The following DOCK7 variants were observed in gnomAD, a reference collection of about 807,000 sequenced individuals.
DOCK7 encodes the protein dedicator of cytokinesis 7.
DOCK7 carries 138 observed loss-of-function variants against 271.0 expected under a neutral mutation model. The ratio of observed to expected loss-of-function variants is 0.51; its 90% CI spans 0.44 to 0.59. The LOEUF is 0.59. DOCK7 is among the 20% of genes least tolerant of loss of function. The probability of loss-of-function intolerance (pLI) is 0.00; values close to 1 mark genes in which losing one functional copy is unlikely to be tolerated. For synonymous variants in DOCK7, 823 were observed against 876.1 expected, an observed-to-expected ratio of 0.94 and a Z score of 1.07; for missense variants, 2,066 against 2,592.4, an observed-to-expected ratio of 0.80 and a Z score of 4.41.
At chr1:62,673,429 G>C (rs923883305) in intron 1 of DOCK7, among the ~76,000 whole-genome samples, 13 of 151,976 alleles carry the variant, frequency 8.6e-5, no homozygotes, top group African/African-American at 3.1e-4. Context: ...ACTAAAAGCT[G>C]GTGATAATAC....
In DOCK7 at chr1:62,579,602, C is replaced by T. The variant is rs538666190; in HGVS notation, c.1872-636G>A. ...AAAAAGTCCTAGCTACTTGGGAGGC[C>T]GAGATGAGAGGATCACTTGAGTCCA... On this transcript the variant is annotated intron_variant, in intron 16 of 49. Transcript: ENST00000635253. 8.1e-5 allele frequency among the ~76,000 whole-genome samples: 12 copies of T among 147,728 alleles called. No homozygotes were observed. The South Asian group carries it at 1.9e-3, about 24-fold the overall frequency.
chr1:62,540,991 A>T (rs1159177213), intron 25 of DOCK7, among the ~76,000 whole-genome samples: 1 of 152,196 alleles, frequency 6.6e-6, no homozygotes, highest in East Asian at 1.9e-4. Context: ...TCTCTAGAAG[A>T]AATGTTTTCT....
At chr1:62,680,762 CAGCCAAAAG>C (rs1246123723) in intron 1 of DOCK7, among the ~76,000 whole-genome samples, 2 of 151,548 alleles carry the variant, frequency 1.3e-5, no homozygotes, top group Middle Eastern at 3.2e-3. Flanking sequence ...GACATTTATG[CAGCCAAAAG>C]ACACATGAAA....
chr1:62,533,561 A>C (rs1463333287), intron 29 of DOCK7, among the ~76,000 whole-genome samples: 1 of 138,276 alleles, frequency 7.2e-6, no homozygotes, highest in African/African-American at 2.7e-5. Context: ...CAAAGTCTGC[A>C]CACACACTGC....
intron 48 of DOCK7, among the ~76,000 whole-genome samples, chr1:62,468,360 C>CAAAAAAAAAA (rs201784083): frequency 1.1e-5 from 1 of 93,052 alleles, no homozygotes; most frequent in Non-Finnish European, 2.3e-5. Context: ...GACTCTGTCT[C>CAAAAAAAAAA]AAAAAAAAAA....
chr1:62,578,948 T>A lies in DOCK7; in HGVS notation c.1890A>T (p.Glu630Asp). 6.3e-7 allele frequency: 1 copy of A among 1,580,942 alleles called. No homozygotes were observed. The highest frequency in any genetic ancestry group is 8.6e-7 in the Non-Finnish European group (1 of 1,168,744). The change falls in exon 17 of 50, where the codon GAA becomes GAT. Residue 630 changes from glutamate to aspartate, a missense_variant. Physicochemically the swap from Glu to Asp is conservative, Grantham distance 45 (BLOSUM62 2). Around this residue, in one of 2 missense-constraint regions of DOCK7, gnomAD observed 1,414 missense variants for 1,670.4 expected, o/e 0.85. Coordinates refer to ENST00000635253, the MANE Select transcript of DOCK7 (RefSeq NM_001367561.1). ...TAGCAGGAAGCTTAACCTTGATTTC[T>A]TCATGAAAATCAGGAGACCTTCATA... is the stretch of plus-strand genomic sequence containing the variant. The part of the protein sequence containing the change: ...VYHNRSPDFH[E>D]EIKVKLPATL...
chr1:62,470,959 T>G (rs1645814340), intron 48 of DOCK7, among the ~76,000 whole-genome samples: 2 of 152,112 alleles, frequency 1.3e-5, no homozygotes, highest in Non-Finnish European at 2.9e-5. Flanking sequence ...CTGCCACTCT[T>G]TAGACAGCAA....
intron 14 of DOCK7, among the ~76,000 whole-genome samples, chr1:62,594,840 T>G (rs1648988768): frequency 6.6e-6 from 1 of 152,164 alleles, no homozygotes; most frequent in Admixed American, 6.5e-5. Flanking sequence ...CCCATCTATA[T>G]TCTCCCTCAA....
At chr1:62,529,482 G>C (rs1645111365) in intron 29 of DOCK7, 36 bp from the exon 30 acceptor site, 1 of 1,537,998 alleles carries the variant, frequency 6.5e-7, no homozygotes, top group Non-Finnish European at 8.8e-7. Flanking sequence ...AGAAAAAGCA[G>C]TAAGGCCACA....
At chr1:62,663,547 T>C (rs912973983) in intron 1 of DOCK7, among the ~76,000 whole-genome samples, 7 of 152,130 alleles carry the variant, frequency 4.6e-5, no homozygotes, top group Non-Finnish European at 7.4e-5. Context: ...GTATAAGAAT[T>C]AGGAATAAAA....
rs1372688441 is a variant in DOCK7 at position 62,552,892 on chromosome 1, C to G, written c.2606G>C (p.Gly869Ala). The G allele has an allele frequency of 2.5e-6, 4 of 1,603,950 alleles. No individual in the cohort carries two copies. The Admixed American group carries it at 6.7e-5, about 27-fold the overall frequency. Residue 869 changes from glycine to alanine, a missense_variant, in exon 22 of 50, where the codon GGT becomes GCT. Physicochemically the swap from Gly to Ala is moderately conservative, Grantham distance 60. Coordinates refer to ENST00000635253, the MANE Select transcript of DOCK7 (RefSeq NM_001367561.1). ...YPNSSSPGPG[G>A]LGGSVHYATM... is the part of the protein sequence containing the mutation. ...GGCATAATGCACTGATCCTCCCAAACCCCCAGGACCTAGAGTTGTATATGA... is the reference window on the plus strand; with the variant it reads ...GGCATAATGCACTGATCCTCCCAAAGCCCCAGGACCTAGAGTTGTATATGA...
intron 16 of DOCK7, among the ~76,000 whole-genome samples, chr1:62,582,071 A>G (rs1286456857): frequency 6.6e-6 from 1 of 152,170 alleles, no homozygotes; most frequent in Non-Finnish European, 1.5e-5. Context: ...ACTCCCCTTG[A>G]AACAGAAGGA....
At chr1:62,681,978 G>C (rs1358362608) in intron 1 of DOCK7, among the ~76,000 whole-genome samples, 2 of 151,756 alleles carry the variant, frequency 1.3e-5, no homozygotes, top group Non-Finnish European at 2.9e-5. Context: ...CCAAAAGTCA[G>C]AATGGTGGAC....
Position 62,477,803 on chromosome 1 carries a change from C to T in DOCK7, c.5531G>A (p.Arg1844His). 2.5e-6 allele frequency: 4 copies of T among 1,608,638 alleles called. No homozygotes were observed. Among genetic ancestry groups the T allele is most frequent in the African/African-American group, 1.3e-5 (1 of 74,914 alleles). The change falls in exon 44 of 50, where the codon CGT becomes CAT. Residue 1844 changes from arginine (R) to histidine (H), a missense_variant. By Grantham distance (29) the Arg-to-His change is conservative. This residue lies in a region of DOCK7 where 652 missense variants were observed against 922.1 expected (regional missense o/e 0.71). Transcript: ENST00000635253. The stretch of plus-strand genomic sequence containing the variant: ...GAACTTGGTTCCATAAAAACCAACA[C>T]GAAAATAGGTGCCAAACATCCGCTT... ...GWERMFGTYF[R>H]VGFYGTKFGD...
chr1:62,592,140 C>A (rs890364465), intron 14 of DOCK7, among the ~76,000 whole-genome samples: 2 of 152,118 alleles, frequency 1.3e-5, no homozygotes, highest in Non-Finnish European at 2.9e-5. Flanking sequence ...AGTTCCGAAT[C>A]CAAATTCTTT....
At chr1:62,601,112 G>C (rs1650052374) in intron 14 of DOCK7, 2 of 1,608,944 alleles carry the variant, frequency 1.2e-6, no homozygotes, top group Admixed American at 1.7e-5. Flanking sequence ...AGAACCCACA[G>C]AAATTTCTCT....
At position 62,597,492 on chromosome 1, in the gene DOCK7, T is replaced by C. The variant is rs568241193; in HGVS notation, c.1683-10868A>G. The C allele has an allele frequency of 8.1e-5, 123 of 1,520,960 alleles. No individual in the cohort carries two copies. In the African/African-American group the frequency reaches 1.3e-3, roughly 16 times the overall value. The allele number at this position is 1,520,960 out of a possible 1,614,324, so 94.2% of individuals were successfully genotyped here. On this transcript the variant is annotated intron_variant, in intron 14 of 49. Coordinates refer to ENST00000635253, the MANE Select transcript of DOCK7 (RefSeq NM_001367561.1). The stretch of plus-strand genomic sequence containing the variant: ...TTTTCTGGGCAAATATTGGTATATA[T>C]AGAGTTAAGAAGTCTAGGTCTGCTT...
At chr1:62,600,101 ATGT>A (rs1162459246) in intron 14 of DOCK7, among the ~76,000 whole-genome samples, 1 of 151,856 alleles carries the variant, frequency 6.6e-6, no homozygotes, top group Non-Finnish European at 1.5e-5. Context: ...CCTTCTTATG[ATGT>A]TATTATTCTA....
chr1:62,513,256 G>GGGGA lies in DOCK7; in HGVS notation c.4282+187_4282+188insTCCC, dbSNP rs1553159988. Among the ~76,000 whole-genome samples the GGGGA allele has an allele frequency of 1.2e-4, 4 of 33,340 alleles. 1 individual carries two copies. The highest frequency in any genetic ancestry group is 1.9e-4 in the African/African-American group (2 of 10,510). The allele number at this position is 33,340 out of a possible 152,430, so 21.9% of individuals were successfully genotyped here. Reference sequence around the variant, plus strand: ...AGAGAAGACTTTCTAGAGAAAACGGGGGGGGGGGGGCGGTATGCTGACTCA... The same window carrying GGGGA: ...AGAGAAGACTTTCTAGAGAAAACGGGGGGAGGGGGGGGGGCGGTATGCTGACTCA... On this transcript the variant is annotated intron_variant, in intron 33 of 49. Transcript: ENST00000635253.
Sources: allele counts gnomAD v4.1 joint callset (sites outside exome capture counted in the v4.1 genomes callset), GRCh38; gene constraint gnomAD v4.1.1; regional missense constraint gnomAD v4.1.1; transcripts MANE v1.5; gene names NCBI Gene and HGNC (gene_info 2026-07-23, HGNC 2026-07-21).